GAB1: variants seen among roughly 807,000 people sequenced by gnomAD.
GAB1 encodes GRB2-associated-binding protein 1.
In GAB1, 19 loss-of-function variants were observed where a neutral mutation model predicts 66.5. The ratio of observed to expected loss-of-function variants is 0.29; its 90% CI spans 0.20 to 0.42. The LOEUF (loss-of-function observed/expected upper bound fraction) is 0.42. Among genes scored for constraint, GAB1 ranks in the 10% least tolerant of loss-of-function variants. The probability of loss-of-function intolerance (pLI) is 1.00; values close to 1 mark genes in which losing one functional copy is unlikely to be tolerated. For missense variants in GAB1, 732 were observed against 858.5 expected (o/e 0.85, Z 1.84); for synonymous variants, 294 against 301.4 (o/e 0.98, Z 0.25).
chr4:143,350,543 T>G (rs1009652046), intron 1 of GAB1, among the ~76,000 whole-genome samples: 1 of 151,950 alleles, frequency 6.6e-6, no homozygotes, highest in African/African-American at 2.4e-5. Flanking sequence ...TTGGGCGTGG[T>G]GGTGCATGCC....
intron 1 of GAB1, among the ~76,000 whole-genome samples, chr4:143,398,323 T>C (rs1731564237): frequency 6.6e-6 from 1 of 152,228 alleles, no homozygotes; most frequent in South Asian, 2.1e-4. Flanking sequence ...TTTCAGAATA[T>C]TTTTTGTATG....
chr4:143,379,214 A>G (rs1285553446), intron 1 of GAB1, among the ~76,000 whole-genome samples: 2 of 152,248 alleles, frequency 1.3e-5, no homozygotes, highest in African/African-American at 2.4e-5. Flanking sequence ...TTATTAAAGT[A>G]TTAATGTTTG....
intron 5 of GAB1, 88 bp from the exon 6 acceptor site, chr4:143,439,991 G>A: frequency 7.1e-7 from 1 of 1,406,088 alleles, no homozygotes; most frequent in South Asian, 1.2e-5. Context: ...AGTACGCTGA[G>A]ATCCATATGA....
At chr4:143,396,836 G>A (rs543126611) in intron 1 of GAB1, among the ~76,000 whole-genome samples, 1 of 152,310 alleles carries the variant, frequency 6.6e-6, no homozygotes, top group East Asian at 1.9e-4. Flanking sequence ...TGAGGCAGTG[G>A]AAGAGTGGCC....
chr4:143,449,951 A>G lies in GAB1; in HGVS notation c.1586-9434A>G, dbSNP rs1275006712. Reference sequence around the variant, plus strand: ...AGGAGTAAAGCCTACTTGATCATTAACATGCTTTTTAAAAACTACATGTAT... The same window carrying G: ...AGGAGTAAAGCCTACTTGATCATTAGCATGCTTTTTAAAAACTACATGTAT... On this transcript the variant is annotated intron_variant, in intron 6 of 9. Coordinates refer to ENST00000262994, the MANE Select transcript of GAB1 (RefSeq NM_002039.4). Among the ~76,000 whole-genome samples the G allele has an allele frequency of 2.6e-5, 4 of 152,106 alleles. No homozygotes were observed. The East Asian group carries it at 7.7e-4, about 29-fold the overall frequency.
intron 6 of GAB1, among the ~76,000 whole-genome samples, chr4:143,447,159 T>C (rs1319511542): frequency 3.9e-5 from 6 of 152,236 alleles, no homozygotes; most frequent in Non-Finnish European, 1.5e-5. Flanking sequence ...TCTATATCTC[T>C]GTTTTGGTAC....
intron 8 of GAB1, among the ~76,000 whole-genome samples, chr4:143,461,106 G>T (rs1234593716): frequency 6.6e-6 from 1 of 152,114 alleles, no homozygotes; most frequent in Non-Finnish European, 1.5e-5. Flanking sequence ...TCATAAATCA[G>T]GTAGTTGCCA....
intron 1 of GAB1, chr4:143,395,900 G>C: frequency 2.2e-6 from 1 of 455,334 alleles, no homozygotes. Context: ...CCCCGCCCCC[G>C]GGAGAGCAGC....
At chr4:143,368,153 A>G (rs1729967053) in intron 1 of GAB1, among the ~76,000 whole-genome samples, 1 of 151,852 alleles carries the variant, frequency 6.6e-6, no homozygotes, top group Non-Finnish European at 1.5e-5. Flanking sequence ...GAAAAAATAT[A>G]TTATTGATAG....
intron 6 of GAB1, among the ~76,000 whole-genome samples, chr4:143,454,681 G>A (rs1300439921): frequency 6.6e-6 from 1 of 152,138 alleles, no homozygotes; most frequent in African/African-American, 2.4e-5. Context: ...TTAATTCTTG[G>A]ATCAGTTGCT....
intron 1 of GAB1, 125 bp downstream of exon 1, chr4:143,337,385 C>T (rs756903861): frequency 1.6e-4 from 131 of 799,908 alleles, no homozygotes; most frequent in Non-Finnish European, 2.5e-4. Context: ...GTCTCTTTCC[C>T]CTTGGCCCCT....
In GAB1 at chr4:143,471,738, A is replaced by C. The variant is rs756726335; in HGVS notation, c.*2549A>C. On this transcript the variant is annotated 3_prime_UTR_variant, in exon 10 of 10. Transcript: ENST00000262994. ...CTCAGGAAATTCTTTAATTAGAGAT[A>C]GCTAAAGTTATTCAAGGTCTATACA... The C allele has an allele frequency of 6.6e-6, 1 of 152,226 alleles. No homozygotes were observed. Among genetic ancestry groups the C allele is most frequent in the Non-Finnish European group, 1.5e-5 (1 of 68,018 alleles). 9.4% of individuals were successfully genotyped at this position (152,226 alleles called of 1,614,324 possible). A position where few individuals can be genotyped will look rare whatever the true frequency, so the allele number is the denominator to read the frequency against.
intron 1 of GAB1, among the ~76,000 whole-genome samples, chr4:143,391,032 C>T (rs902804390): frequency 6.6e-6 from 1 of 152,176 alleles, no homozygotes; most frequent in Non-Finnish European, 1.5e-5. Flanking sequence ...GCCAGAGAGG[C>T]TGAGTGGTAT....
intron 3 of GAB1, among the ~76,000 whole-genome samples, chr4:143,436,470 A>G (rs1445327887): frequency 2.6e-5 from 4 of 152,210 alleles, no homozygotes; most frequent in South Asian, 2.1e-4. Flanking sequence ...GTCTGGTCCC[A>G]TGAATAGATT....
chr4:143,356,386 A>G (rs377587669), intron 1 of GAB1, among the ~76,000 whole-genome samples: 85 of 152,336 alleles, frequency 5.6e-4, no homozygotes, highest in African/African-American at 1.9e-3. Flanking sequence ...AATTGTTTTT[A>G]AAAAAGTACT....
intron 1 of GAB1, among the ~76,000 whole-genome samples, chr4:143,378,669 CT>C: frequency 6.9e-6 from 1 of 144,128 alleles, no homozygotes; most frequent in Non-Finnish European, 1.5e-5. Context: ...CTCTCTCTCT[CT>C]CTCGTTTTTC....
intron 1 of GAB1, among the ~76,000 whole-genome samples, chr4:143,402,736 A>G (rs1465175844): frequency 6.6e-6 from 1 of 152,180 alleles, no homozygotes; most frequent in Non-Finnish European, 1.5e-5. Flanking sequence ...GCAATTGGAT[A>G]TGTAAAGTAA....
At chr4:143,369,367 G>A (rs771115999) in intron 1 of GAB1, among the ~76,000 whole-genome samples, 2 of 152,126 alleles carry the variant, frequency 1.3e-5, no homozygotes, top group African/African-American at 4.8e-5. Context: ...GTGAACAACC[G>A]CAGCTGGCCA....
In GAB1 at chr4:143,474,453, A is replaced by G. The variant is rs1249226106; in HGVS notation, c.*5264A>G. Reference sequence around the variant, plus strand: ...TATTATGTGTCAACTTGGTGAGGCTATGGCGCCCATGTGTTTGGTCAAACA... The same window carrying G: ...TATTATGTGTCAACTTGGTGAGGCTGTGGCGCCCATGTGTTTGGTCAAACA... On this transcript the variant is annotated 3_prime_UTR_variant, in exon 10 of 10. Transcript: ENST00000262994. The G allele has an allele frequency of 6.6e-6, 1 of 152,190 alleles. No individual in the cohort carries two copies. Among genetic ancestry groups the G allele is most frequent in the Non-Finnish European group, 1.5e-5 (1 of 68,028 alleles). The allele number at this position is 152,190 out of a possible 1,614,324, so 9.4% of individuals were successfully genotyped here. A position where few individuals can be genotyped will look rare whatever the true frequency, so the allele number is the denominator to read the frequency against.
Sources: allele counts gnomAD v4.1 joint callset (sites outside exome capture counted in the v4.1 genomes callset), GRCh38; gene constraint gnomAD v4.1.1; transcripts MANE v1.5; gene names NCBI Gene and HGNC (gene_info 2026-07-23, HGNC 2026-07-21).